Variants in ELAC2 observed in about 807,000 individuals in gnomAD.
ELAC2 encodes the protein zinc phosphodiesterase ELAC protein 2.
Under a neutral mutation model 105.2 loss-of-function variants are expected in ELAC2, and 92 were observed. The observed-to-expected ratio is 0.87, with a 90% CI of 0.74 to 1.04. The LOEUF is 1.04. Ranked by LOEUF, ELAC2 falls within the 50% of genes least tolerant of loss-of-function variation. ELAC2 has a pLI of 0.00. For synonymous variants in ELAC2, 468 were observed against 409.1 expected, an observed-to-expected ratio of 1.14 and a Z score of -1.74; for missense variants, 1,099 against 1,071.7, an observed-to-expected ratio of 1.03 and a Z score of -0.36.
chr17:13,002,149 G>T, intron 14 of ELAC2, 125 bp downstream of exon 14: 1 of 1,012,822 alleles, frequency 9.9e-7, no homozygotes, highest in Non-Finnish European at 1.5e-6. Flanking sequence ...TCAAAGCGGA[G>T]TTGAATAGTT....
In ELAC2 at chr17:13,004,972, T is replaced by C. The variant is rs1183469742; in HGVS notation, c.983+17A>G. The C allele has an allele frequency of 2.5e-6, 4 of 1,592,104 alleles. No individual in the cohort carries two copies. In the Admixed American group the frequency reaches 5.0e-5, roughly 20 times the overall value. ...GTTTCAGCTCTCACTTCTCCCACCC[T>C]AGAGACCCCTCATTACCTCTGAAAG... On this transcript the variant is annotated intron_variant, in intron 11 of 23. Transcript: ENST00000338034.
chr17:13,010,355 C>T (rs1311095796), intron 8 of ELAC2, among the ~76,000 whole-genome samples: 1 of 152,076 alleles, frequency 6.6e-6, no homozygotes, highest in Non-Finnish European at 1.5e-5. Context: ...ATTTTTAGTA[C>T]AGACAGGGTT....
Position 13,003,687 on chromosome 17 carries a change from T to G in ELAC2, c.984-113A>C, listed in dbSNP as rs1020366484. 7 of 919,058 alleles carry G rather than the reference T, an allele frequency of 7.6e-6. No individual in the cohort carries two copies. In the African/African-American group the frequency reaches 9.8e-5, roughly 13 times the overall value. 56.9% of individuals were successfully genotyped at this position (919,058 alleles called of 1,614,324 possible). A position where few individuals can be genotyped will look rare whatever the true frequency, so the allele number is the denominator to read the frequency against. On this transcript the variant is annotated intron_variant, in intron 11 of 23. Transcript: ENST00000338034. ...GGCCCTCTGCAGCACTGCAGTGAGC[T>G]GACAGCCTCCACGCCCAGGCCATGC...
Position 13,015,783 on chromosome 17 carries a change from A to C in ELAC2, c.417T>G (p.Ser139=). The change falls in exon 4 of 24, where the codon TCT becomes TCG. Residue 139 remains serine (S), a synonymous_variant. Transcript: ENST00000338034. ...AAAGACTCACCAGTTGTGGAGGTCC[A>C]GAAAGTACACACTTTGGAAGCCCGG... ...KETGLPKCVL[S]GPPQLEKYLE... 6.2e-7 allele frequency: 1 copy of C among 1,614,044 alleles called. No homozygotes were observed. Among genetic ancestry groups the C allele is most frequent in the Non-Finnish European group, 8.5e-7 (1 of 1,179,848 alleles).
intron 6 of ELAC2, among the ~76,000 whole-genome samples, chr17:13,012,658 A>G (rs906285573): frequency 2.6e-5 from 4 of 152,126 alleles, no homozygotes; most frequent in Non-Finnish European, 2.9e-5. Flanking sequence ...TAACAAGGAA[A>G]TACCCCTACT....
At position 12,995,835 on chromosome 17, in the gene ELAC2, C is replaced by G. The variant is rs758533484; in HGVS notation, c.1699-23G>C. Reference sequence around the variant, plus strand: ...TGCCTGGAACAAAAAATGCAAGTGCCGACTCGACGACAGAACATCTCAATA... The same window carrying G: ...TGCCTGGAACAAAAAATGCAAGTGCGGACTCGACGACAGAACATCTCAATA... On this transcript the variant is annotated intron_variant, in intron 18 of 23. Coordinates refer to ENST00000338034, the MANE Select transcript of ELAC2 (RefSeq NM_018127.7). The G allele has an allele frequency of 2.5e-6, 4 of 1,595,778 alleles. No homozygotes were observed. The East Asian group carries it at 9.1e-5, about 36-fold the overall frequency.
At chr17:13,009,398 A>G (rs2041286538) in intron 8 of ELAC2, among the ~76,000 whole-genome samples, 2 of 152,260 alleles carry the variant, frequency 1.3e-5, no homozygotes, top group Admixed American at 1.3e-4. Context: ...TTGTATTGAT[A>G]AAATTTTAAT....
chr17:13,002,804 G>A, intron 12 of ELAC2: 1 of 648,514 alleles, frequency 1.5e-6, no homozygotes, highest in Non-Finnish European at 2.7e-6. Context: ...AAGAGTGAGA[G>A]GAAAAACAAG....
chr17:12,995,958 C>T lies in ELAC2; in HGVS notation c.1680G>A (p.Leu560=), dbSNP rs1204658530. 10 of 1,596,572 alleles carry T rather than the reference C, an allele frequency of 6.3e-6. No homozygotes were observed. Among genetic ancestry groups the T allele is most frequent in the Non-Finnish European group, 8.5e-6 (10 of 1,170,286 alleles). ...CACTTACCAAGGCGCGTTCTCTCTG[C>T]AGCAAGATACTTGGCAAGCCCTGGC... ...DHHTGLPSIL[L]QRERALASLG... Residue 560 remains leucine (L), a synonymous_variant, in exon 18 of 24, where the codon CTG becomes CTA. Transcript: ENST00000338034.
At chr17:12,996,740 C>A in intron 16 of ELAC2, 55 bp from the exon 17 acceptor site, 1 of 1,597,706 alleles carries the variant, frequency 6.3e-7, no homozygotes, top group South Asian at 1.1e-5. Flanking sequence ...GCTGATGGTT[C>A]AGAGGCTGAT....
intron 14 of ELAC2, among the ~76,000 whole-genome samples, chr17:13,001,400 G>A (rs2040800353): frequency 6.6e-6 from 1 of 152,136 alleles, no homozygotes; most frequent in African/African-American, 2.4e-5. Flanking sequence ...GCTGGGGCAG[G>A]AGAAATGCTT....
rs1158182186 is a variant in ELAC2 at position 13,017,996 on chromosome 17, C to T, written c.-49G>A. 1.3e-6 allele frequency: 2 copies of T among 1,533,854 alleles called. No individual in the cohort carries two copies. The highest frequency in any genetic ancestry group is 1.7e-6 in the Non-Finnish European group (2 of 1,146,568). ...GAAAGCCGCCGGTCACCTACGCCCG[C>T]GTTTCCCGTGCACCACCTAGCCGCT... On this transcript the variant is annotated 5_prime_UTR_variant, in exon 1 of 24. Transcript: ENST00000338034.
At chr17:13,003,876 C>A (rs1174596753) in intron 11 of ELAC2, 1 of 383,542 alleles carries the variant, frequency 2.6e-6, no homozygotes, top group East Asian at 5.5e-5. Context: ...ACGGGTCCAA[C>A]CTGCAAAGCC....
Position 12,999,848 on chromosome 17 carries a change from G to A in ELAC2, c.1423+308C>T, listed in dbSNP as rs55986816. 0.27 allele frequency among the ~76,000 whole-genome samples: 40,620 copies of A among 152,040 alleles called. 5,677 individuals are homozygous for A. The highest frequency in any genetic ancestry group is 0.33 in the Middle Eastern group (96 of 294). On this transcript the variant is annotated intron_variant, in intron 15 of 23. Coordinates refer to ENST00000338034, the MANE Select transcript of ELAC2 (RefSeq NM_018127.7). ...TAATTTTTGTATTTTTAGTAGAGAC[G>A]GGGTTTCATCATGTTAGCCAGGATG...
At chr17:12,994,106 C>T (rs559377388) in intron 22 of ELAC2, among the ~76,000 whole-genome samples, 1 of 152,338 alleles carries the variant, frequency 6.6e-6, no homozygotes, top group South Asian at 2.1e-4. Flanking sequence ...TGCACTCTTT[C>T]GTTGAAATTA....
rs373732738 is a variant in ELAC2 at position 13,002,259 on chromosome 17, C to T, written c.1304+15G>A. On this transcript the variant is annotated intron_variant, in intron 14 of 23. Transcript: ENST00000338034. ...CTCGACTGAGACGATTCCATTAGTT[C>T]AAGATGGCACAGACCTCTGCCACTC... is the stretch of plus-strand genomic sequence containing the variant. 1.7e-5 allele frequency: 28 copies of T among 1,613,932 alleles called. No homozygotes were observed. The South Asian group carries it at 2.7e-4, about 16-fold the overall frequency.
At chr17:13,003,272 G>A (rs982816235) in intron 12 of ELAC2, among the ~76,000 whole-genome samples, 8 of 152,192 alleles carry the variant, frequency 5.3e-5, no homozygotes, top group Non-Finnish European at 1.0e-4. Flanking sequence ...GGAATCGTGT[G>A]GACACTGCGC....
At chr17:13,010,510 C>T (rs2041358511) in intron 8 of ELAC2, 103 bp downstream of exon 8, 1 of 1,045,610 alleles carries the variant, frequency 9.6e-7, no homozygotes, top group Admixed American at 1.8e-5. Context: ...CTTCTTGTCT[C>T]AGGTAACAGG....
At chr17:13,010,320 G>A (rs371264303) in intron 8 of ELAC2, among the ~76,000 whole-genome samples, 4 of 152,012 alleles carry the variant, frequency 2.6e-5, no homozygotes, top group African/African-American at 4.8e-5. Context: ...ACAGGCATGC[G>A]CCACCACACC....
Sources: gnomAD v4.1 joint callset for allele counts (sites outside exome capture counted in the v4.1 genomes callset) on GRCh38, gnomAD v4.1.1 for gene constraint, MANE v1.5 for transcripts, NCBI Gene and HGNC (gene_info 2026-07-23, HGNC 2026-07-21) for gene names.